The following FTCDNL1 variants were observed in gnomAD, a reference collection of about 807,000 sequenced individuals.
FTCDNL1 encodes formiminotransferase cyclodeaminase N-terminal like.
A neutral mutation model predicts 5.9 loss-of-function variants in FTCDNL1; 11 were observed. The ratio of observed to expected loss-of-function variants is 1.87; its 90% CI spans 1.18 to 3.10. FTCDNL1 has a LOEUF of 3.10. FTCDNL1 is among the 30% of genes most tolerant of loss of function. The pLI, the probability that FTCDNL1 is intolerant of heterozygous loss-of-function variation, is 0.00. For missense variants in FTCDNL1, 115 were observed against 65.5 expected (o/e 1.76, Z -2.61); for synonymous variants, 58 against 24.8 (o/e 2.34, Z -3.99).
chr2:199,771,760 G>A (rs139349105), intron 3 of FTCDNL1, among the ~76,000 whole-genome samples: 22 of 152,246 alleles, frequency 1.4e-4, no homozygotes, highest in South Asian at 1.0e-3. Context: ...GAGAACTGGC[G>A]TTGTATATCA....
At chr2:199,679,258 T>A in the FTCDNL1 span, among the ~76,000 whole-genome samples, 110,737 of 151,958 alleles carry the variant, frequency 0.73, 41,257 homozygotes, top group South Asian at 0.9. Flanking sequence ...TTTCTAATGA[T>A]AATTTATTTT....
intron 3 of FTCDNL1, among the ~76,000 whole-genome samples, chr2:199,787,065 C>T (rs1699689088): frequency 6.6e-6 from 1 of 152,204 alleles, no homozygotes; most frequent in Non-Finnish European, 1.5e-5. Flanking sequence ...ACTCTGACCT[C>T]CTTTACTGTC....
At chr2:199,672,683 C>A in the FTCDNL1 span, among the ~76,000 whole-genome samples, 27 of 152,108 alleles carry the variant, frequency 1.8e-4, no homozygotes, top group South Asian at 5.6e-3. Flanking sequence ...CAGCTGGCAA[C>A]TGGAATAACT....
At chr2:199,801,470 G>A (rs1385074033) in intron 3 of FTCDNL1, among the ~76,000 whole-genome samples, 1 of 151,966 alleles carries the variant, frequency 6.6e-6, no homozygotes, top group African/African-American at 2.4e-5. Context: ...AACATGGTGA[G>A]ACTCCGTCTC....
intron 3 of FTCDNL1, among the ~76,000 whole-genome samples, chr2:199,761,990 GGAA>G (rs1320023876): frequency 6.6e-6 from 1 of 152,098 alleles, no homozygotes; most frequent in African/African-American, 2.4e-5. Flanking sequence ...AGGCCACATT[GGAA>G]GAAGAAGAAT....
At chr2:199,794,378 T>C (rs1425020171) in intron 3 of FTCDNL1, among the ~76,000 whole-genome samples, 1 of 152,214 alleles carries the variant, frequency 6.6e-6, no homozygotes, top group Non-Finnish European at 1.5e-5. Flanking sequence ...TGATGGATTA[T>C]GCGGATCAGT....
chr2:199,776,958 A>ATGTGTGTGTG (rs56145074), intron 3 of FTCDNL1, among the ~76,000 whole-genome samples: 35 of 136,208 alleles, frequency 2.6e-4, no homozygotes, highest in African/African-American at 5.3e-4. Context: ...ATGTGTGTAT[A>ATGTGTGTGTG]TGTGTGTGTG....
chr2:199,809,571 C>T lies in FTCDNL1; in HGVS notation c.*3134G>A, dbSNP rs1700916121. The stretch of plus-strand genomic sequence containing the variant: ...ATTTAATTAAAATTGCCATCATTGA[C>T]ACATAGCTTCTTTTAGTATACAAAA... On this transcript the variant is annotated 3_prime_UTR_variant, in exon 5 of 5. Coordinates refer to ENST00000420128, the MANE Select transcript of FTCDNL1 (RefSeq NM_001363886.2). Among the ~76,000 whole-genome samples the T allele has an allele frequency of 6.6e-6, 1 of 152,130 alleles. No homozygotes were observed. Among genetic ancestry groups the T allele is most frequent in the Non-Finnish European group, 1.5e-5 (1 of 68,030 alleles).
intron 3 of FTCDNL1, among the ~76,000 whole-genome samples, chr2:199,840,858 A>C (rs901794426): frequency 6.6e-6 from 1 of 152,086 alleles, no homozygotes; most frequent in African/African-American, 2.4e-5. Flanking sequence ...AAAGGAAATA[A>C]TTTTAGAGAC....
At chr2:199,669,785 T>C in the FTCDNL1 span, among the ~76,000 whole-genome samples, 3 of 152,324 alleles carry the variant, frequency 2.0e-5, no homozygotes, top group South Asian at 6.2e-4. Context: ...TATTCTTACC[T>C]CCGTCCTTGA....
At chr2:199,814,557 T>C (rs1701236149) in intron 4 of FTCDNL1, among the ~76,000 whole-genome samples, 1 of 152,184 alleles carries the variant, frequency 6.6e-6, no homozygotes, top group South Asian at 2.1e-4. Flanking sequence ...ATTAAGCCAG[T>C]CCAGATAAGA....
At chr2:199,750,469 G>A in the FTCDNL1 span, among the ~76,000 whole-genome samples, 1 of 152,136 alleles carries the variant, frequency 6.6e-6, no homozygotes, top group South Asian at 2.1e-4. Flanking sequence ...CACCAAGTCA[G>A]GGGGGAAAAG....
chr2:199,794,764 A>G (rs1330067179), intron 3 of FTCDNL1, among the ~76,000 whole-genome samples: 3 of 152,170 alleles, frequency 2.0e-5, no homozygotes, highest in African/African-American at 7.2e-5. Flanking sequence ...CTATAGTCCC[A>G]GCTACTTGGG....
chr2:199,672,567 G>T, the FTCDNL1 span, among the ~76,000 whole-genome samples: 286 of 152,194 alleles, frequency 1.9e-3, 1 homozygote, highest in Middle Eastern at 3.4e-3. Flanking sequence ...TGGGTGGTTT[G>T]GGGTCTAATG....
downstream of FTCDNL1, among the ~76,000 whole-genome samples, chr2:199,756,537 T>C (rs1698078619): frequency 6.6e-6 from 1 of 152,216 alleles, no homozygotes; most frequent in African/African-American, 2.4e-5. Flanking sequence ...AAGTCCTATG[T>C]TAACCTGGCC....
At chr2:199,799,123 G>A (rs1359157814) in intron 3 of FTCDNL1, among the ~76,000 whole-genome samples, 1 of 152,168 alleles carries the variant, frequency 6.6e-6, no homozygotes, top group Non-Finnish European at 1.5e-5. Context: ...TCCAATGGCA[G>A]TGCCCTCATG....
the FTCDNL1 span, among the ~76,000 whole-genome samples, chr2:199,737,083 C>T: frequency 1.1e-3 from 163 of 152,332 alleles, no homozygotes; most frequent in African/African-American, 3.7e-3. Context: ...TTTCTGTGTT[C>T]TCCACCTTGT....
At chr2:199,726,712 G>T in the FTCDNL1 span, among the ~76,000 whole-genome samples, 1 of 152,104 alleles carries the variant, frequency 6.6e-6, no homozygotes, top group Non-Finnish European at 1.5e-5. Context: ...CTATTCACCT[G>T]GGCCCCTCCT....
Position 199,848,907 on chromosome 2 carries a change from T to C in FTCDNL1, c.56A>G (p.Glu19Gly). The change falls in exon 2 of 5, where the codon GAA (glutamate) becomes GGA (glycine). Residue 19 changes from glutamate (E) to glycine (G), a missense_variant. Transcript: ENST00000420128. ...CTCAACAATGTATTTTCTTCCGGCTTCTGAAACGTTTAGTAAACAGGCAGC... is the reference window on the plus strand; with the variant it reads ...CTCAACAATGTATTTTCTTCCGGCTCCTGAAACGTTTAGTAAACAGGCAGC... ...RLAACLLNVS[E>G]AGRKYIVENI... 1.4e-6 allele frequency: 1 copy of C among 702,348 alleles called. No individual in the cohort carries two copies. The highest frequency in any genetic ancestry group is 1.7e-5 in the African/African-American group (1 of 57,378). 43.5% of individuals were successfully genotyped at this position (702,348 alleles called of 1,614,324 possible). A position where few individuals can be genotyped will look rare whatever the true frequency, so the allele number is the denominator to read the frequency against.
Sources: allele counts gnomAD v4.1 joint callset (sites outside exome capture counted in the v4.1 genomes callset), GRCh38; gene constraint gnomAD v4.1.1; transcripts MANE v1.5; gene names NCBI Gene and HGNC (gene_info 2026-07-23, HGNC 2026-07-21).